Variants in DLGAP2 observed in about 807,000 individuals in gnomAD.
DLGAP2 encodes the protein disks large-associated protein 2.
Under a neutral mutation model 100.3 loss-of-function variants are expected in DLGAP2, and 26 were observed. That is an observed-to-expected ratio of 0.26 (90% CI 0.19 to 0.36). The LOEUF is 0.36. DLGAP2 is among the 10% of genes least tolerant of loss of function. The pLI is 1.00. For synonymous variants in DLGAP2, 886 were observed against 630.1 expected, an observed-to-expected ratio of 1.41 and a Z score of -6.08; for missense variants, 1,858 against 1,453.2, an observed-to-expected ratio of 1.28 and a Z score of -4.53.
chr8:1,131,164 A>C (rs1273879551), intron 2 of DLGAP2, among the ~76,000 whole-genome samples: 1 of 152,164 alleles, frequency 6.6e-6, no homozygotes, highest in Non-Finnish European at 1.5e-5. Context: ...GGTTCTCTGG[A>C]TCTTTCAGCT....
At chr8:1,290,226 C>A (rs1158787817) in intron 3 of DLGAP2, among the ~76,000 whole-genome samples, 2 of 152,178 alleles carry the variant, frequency 1.3e-5, no homozygotes, top group African/African-American at 4.8e-5. Flanking sequence ...AGGGAGTTAG[C>A]AAAGCTGAGA....
At chr8:1,390,118 G>C (rs1008558655) in intron 3 of DLGAP2, among the ~76,000 whole-genome samples, 1 of 152,004 alleles carries the variant, frequency 6.6e-6, no homozygotes, top group Non-Finnish European at 1.5e-5. Flanking sequence ...ATCAGGCTTA[G>C]AGGAGAAGCT....
chr8:870,734 C>T lies in DLGAP2; in HGVS notation c.19-37178C>T, dbSNP rs142749429. Reference sequence around the variant, plus strand: ...CCTCCTCAGCACCCCAGCACATTCCCTGAGCCCCTGGAGTGGGCTGTGGGT... The same window carrying T: ...CCTCCTCAGCACCCCAGCACATTCCTTGAGCCCCTGGAGTGGGCTGTGGGT... On this transcript the variant is annotated intron_variant, in intron 1 of 14. Transcript: ENST00000637795. Among the ~76,000 whole-genome samples, 1,349 of 152,292 alleles carry T rather than the reference C, an allele frequency of 8.9e-3. 22 individuals carry two copies. The highest frequency in any genetic ancestry group is 0.03 in the African/African-American group (1,264 of 41,562).
chr8:851,629 A>G (rs1797184011), intron 1 of DLGAP2, among the ~76,000 whole-genome samples: 2 of 152,198 alleles, frequency 1.3e-5, no homozygotes, highest in Admixed American at 1.3e-4. Context: ...TCTGTTCAAA[A>G]AACTTGTCAC....
At chr8:1,190,790 G>A (rs1323628938) in intron 2 of DLGAP2, among the ~76,000 whole-genome samples, 11 of 151,980 alleles carry the variant, frequency 7.2e-5, no homozygotes, top group African/African-American at 2.7e-4. Flanking sequence ...CCAGGTGCAC[G>A]CAGCAGCAAG....
intron 2 of DLGAP2, among the ~76,000 whole-genome samples, chr8:1,025,305 C>G (rs544667485): frequency 2.0e-5 from 3 of 152,296 alleles, no homozygotes; most frequent in Non-Finnish European, 4.4e-5. Context: ...ATCCAAACTT[C>G]ATGACGTGTC....
At chr8:1,141,936 A>C (rs767559019) in intron 2 of DLGAP2, among the ~76,000 whole-genome samples, 2 of 152,180 alleles carry the variant, frequency 1.3e-5, no homozygotes, top group African/African-American at 4.8e-5. Context: ...TAAGCATGCT[A>C]TAAAGATTGT....
chr8:1,348,305 T>C (rs1001443919), intron 3 of DLGAP2, among the ~76,000 whole-genome samples: 1 of 150,394 alleles, frequency 6.6e-6, no homozygotes, highest in African/African-American at 2.4e-5. Context: ...TAGAGCTGCA[T>C]TGCACTCATG....
At chr8:1,657,036 A>G (rs1028898656) in intron 8 of DLGAP2, among the ~76,000 whole-genome samples, 56 of 152,234 alleles carry the variant, frequency 3.7e-4, no homozygotes, top group Admixed American at 2.9e-3. Flanking sequence ...TTTACATGGT[A>G]AAAGAAACCA....
At position 1,025,153 on chromosome 8, in the gene DLGAP2, T is replaced by C. The variant is rs192771561; in HGVS notation, c.73+117187T>C. Among the ~76,000 whole-genome samples, 159 of 152,270 alleles carry C rather than the reference T, an allele frequency of 1.0e-3. 1 individual carries two copies. The highest frequency in any genetic ancestry group is 3.4e-3 in the Middle Eastern group (1 of 294). On this transcript the variant is annotated intron_variant, in intron 2 of 14. Transcript: ENST00000637795. The stretch of plus-strand genomic sequence containing the variant: ...GTGCATGTGTGTGTGCGTGTGTGTG[T>C]GCGCACGTGTGTGTGTCTTAATTAG...
At chr8:997,476 ACTC>A (rs1288294629) in intron 2 of DLGAP2, among the ~76,000 whole-genome samples, 1 of 152,182 alleles carries the variant, frequency 6.6e-6, no homozygotes, top group Non-Finnish European at 1.5e-5. Context: ...AAAGCCTTCT[ACTC>A]CTCAGGAGTA....
At chr8:1,111,476 A>G (rs1804957263) in intron 2 of DLGAP2, among the ~76,000 whole-genome samples, 1 of 151,544 alleles carries the variant, frequency 6.6e-6, no homozygotes, top group Admixed American at 6.6e-5. Context: ...ACAGAGATGT[A>G]TTGTATAGGT....
intron 4 of DLGAP2, among the ~76,000 whole-genome samples, chr8:1,542,343 A>G (rs1801390954): frequency 6.6e-6 from 1 of 152,234 alleles, no homozygotes; most frequent in Admixed American, 6.5e-5. Flanking sequence ...CATCGCTCTA[A>G]TCAATTTAAA....
intron 4 of DLGAP2, among the ~76,000 whole-genome samples, chr8:1,503,032 AGTTT>A (rs1799778675): frequency 1.3e-5 from 2 of 152,012 alleles, no homozygotes; most frequent in Admixed American, 6.6e-5. Flanking sequence ...CGTGGTTGAG[AGTTT>A]GTTTGTTCTG....
chr8:975,826 ACT>A (rs1377815721), intron 2 of DLGAP2, among the ~76,000 whole-genome samples: 16 of 152,074 alleles, frequency 1.1e-4, no homozygotes, highest in African/African-American at 3.4e-4. Flanking sequence ...GAAGCAAAAC[ACT>A]CTTACCATGT....
intron 3 of DLGAP2, among the ~76,000 whole-genome samples, chr8:1,361,097 A>G (rs957701939): frequency 2.6e-5 from 4 of 152,222 alleles, no homozygotes; most frequent in Admixed American, 6.5e-5. Flanking sequence ...GGCTGTTCAC[A>G]GTGATGGTGC....
intron 2 of DLGAP2, among the ~76,000 whole-genome samples, chr8:1,154,319 A>G (rs1796743148): frequency 6.6e-6 from 1 of 152,180 alleles, no homozygotes; most frequent in Admixed American, 6.5e-5. Flanking sequence ...ATCCCCCAGC[A>G]CAGCAGAACA....
At chr8:1,013,036 G>T (rs1240621482) in intron 2 of DLGAP2, among the ~76,000 whole-genome samples, 2 of 152,174 alleles carry the variant, frequency 1.3e-5, no homozygotes, top group South Asian at 2.1e-4. Context: ...TCTTCCTGCA[G>T]CTCACAGATG....
intron 3 of DLGAP2, among the ~76,000 whole-genome samples, chr8:1,270,924 C>G (rs1799570061): frequency 6.6e-6 from 1 of 152,050 alleles, no homozygotes; most frequent in African/African-American, 2.4e-5. Flanking sequence ...ACTGTATACA[C>G]CGTTGACCTG....
Sources: gnomAD v4.1 joint callset for allele counts (sites outside exome capture counted in the v4.1 genomes callset) on GRCh38, gnomAD v4.1.1 for gene constraint, MANE v1.5 for transcripts, NCBI Gene and HGNC (gene_info 2026-07-23, HGNC 2026-07-21) for gene names.